Variants in FREM1 observed in about 807,000 individuals in gnomAD.
The protein encoded by FREM1 is FRAS1-related extracellular matrix protein 1.
In FREM1, 220 loss-of-function variants were observed where a neutral mutation model predicts 210.1. That is an observed-to-expected ratio of 1.05 (90% confidence interval 0.94 to 1.17). The LOEUF is 1.17. Among genes scored for constraint, FREM1 ranks in the 50% most tolerant of loss-of-function variants. The pLI is 0.00. For missense variants in FREM1, 3,454 were observed against 2,675.5 expected (o/e 1.29, Z -6.42); for synonymous variants, 1,189 against 980.2 (o/e 1.21, Z -3.98).
At chr9:14,795,174 C>G (rs1852147178) in intron 21 of FREM1, among the ~76,000 whole-genome samples, 1 of 152,142 alleles carries the variant, frequency 6.6e-6, no homozygotes, top group Non-Finnish European at 1.5e-5. Context: ...AACAATAACA[C>G]TTAGTAGCAC....
chr9:14,811,964 G>A (rs572163660), intron 16 of FREM1, among the ~76,000 whole-genome samples: 1 of 152,258 alleles, frequency 6.6e-6, no homozygotes, highest in East Asian at 1.9e-4. Context: ...GCAAAAGCCA[G>A]CAGATGAAAT....
chr9:14,747,494 T>C, intron 32 of FREM1, 66 bp from the exon 33 acceptor site: 1 of 1,491,846 alleles, frequency 6.7e-7, no homozygotes, highest in East Asian at 2.3e-5. Context: ...AACAAAAAAA[T>C]GAGCAATTCA....
chr9:14,888,990 TA>T (rs1234787251), intron 1 of FREM1, among the ~76,000 whole-genome samples: 2 of 152,268 alleles, frequency 1.3e-5, no homozygotes, highest in African/African-American at 4.8e-5. Context: ...TGTTCTATTG[TA>T]AGCATTTTCT....
intron 6 of FREM1, among the ~76,000 whole-genome samples, chr9:14,850,906 T>C (rs1353221972): frequency 1.3e-5 from 2 of 152,232 alleles, no homozygotes; most frequent in Non-Finnish European, 2.9e-5. Flanking sequence ...CTACAAGTTT[T>C]AATTGTTTTC....
chr9:14,848,252 C>T (rs1270801761), intron 7 of FREM1, among the ~76,000 whole-genome samples: 1 of 152,184 alleles, frequency 6.6e-6, no homozygotes, highest in Non-Finnish European at 1.5e-5. Context: ...CTCTTATTTA[C>T]ATATTTTAGT....
At chr9:14,832,876 G>T (rs376796917) in intron 10 of FREM1, among the ~76,000 whole-genome samples, 7 of 152,088 alleles carry the variant, frequency 4.6e-5, no homozygotes. Flanking sequence ...TATGCTTTGC[G>T]TGTCTTTCTG....
chr9:14,773,930 A>T (rs1367557284), intron 25 of FREM1: 2 of 377,802 alleles, frequency 5.3e-6, no homozygotes, highest in East Asian at 1.4e-4. Context: ...CAGTACAGAG[A>T]CTGGTATCAA....
intron 10 of FREM1, among the ~76,000 whole-genome samples, chr9:14,832,629 A>G (rs1170718740): frequency 6.6e-6 from 1 of 152,126 alleles, no homozygotes; most frequent in Non-Finnish European, 1.5e-5. Context: ...GGAAAAACTA[A>G]TTTTCCAAAC....
chr9:14,814,092 T>G (rs1429470917), intron 15 of FREM1, among the ~76,000 whole-genome samples: 1 of 152,170 alleles, frequency 6.6e-6, no homozygotes, highest in African/African-American at 2.4e-5. Flanking sequence ...CTCTTCCCCC[T>G]GGGAATTCTG....
At chr9:14,798,199 T>C (rs1192540900) in intron 20 of FREM1, among the ~76,000 whole-genome samples, 1 of 152,198 alleles carries the variant, frequency 6.6e-6, no homozygotes, top group Non-Finnish European at 1.5e-5. Flanking sequence ...TGCACCCAGA[T>C]TTATATAAAA....
At chr9:14,769,048 T>G (rs1365756320) in intron 27 of FREM1, among the ~76,000 whole-genome samples, 1 of 152,180 alleles carries the variant, frequency 6.6e-6, no homozygotes, top group Non-Finnish European at 1.5e-5. Context: ...TGGTAAGATA[T>G]TCAAGGTCTA....
Position 14,776,046 on chromosome 9 carries a change from C to A in FREM1, c.4600G>T (p.Asp1534Tyr). The A allele has an allele frequency of 2.5e-6, 4 of 1,613,958 alleles. No individual in the cohort carries two copies. The highest frequency in any genetic ancestry group is 2.5e-6 in the Non-Finnish European group (3 of 1,179,846). ...AGGTTCTCCGCAGGTGTATCAGGGT[C>A]GGTCAGCTGAAGGAGGTCAGGGGAA... is the stretch of plus-strand genomic sequence containing the variant. The part of the protein sequence containing the change: ...LLSPDLLQLT[D>Y]PDTPAENLTF... The change falls in exon 25 of 37, where the codon GAC becomes TAC. Residue 1534 changes from aspartate to tyrosine, a missense_variant. Transcript: ENST00000380880.
Position 14,836,530 on chromosome 9 carries a change from G to C in FREM1, c.1881+4917C>G, listed in dbSNP as rs571095289. Among the ~76,000 whole-genome samples the C allele has an allele frequency of 6.6e-6, 1 of 152,220 alleles. No individual in the cohort carries two copies. The highest frequency in any genetic ancestry group is 6.5e-5 in the Admixed American group (1 of 15,290). Reference sequence around the variant, plus strand: ...AGGGAAAATGCCGGCTTCAGCCCTGGGCGGCTACAATCCCTCTTTAATAAA... The same window carrying C: ...AGGGAAAATGCCGGCTTCAGCCCTGCGCGGCTACAATCCCTCTTTAATAAA... On this transcript the variant is annotated intron_variant, in intron 10 of 36. Coordinates refer to ENST00000380880, the MANE Select transcript of FREM1 (RefSeq NM_001379081.2). The surrounding 1 kb of genome is among the most constrained non-coding windows in gnomAD (Gnocchi z 4.9).
At chr9:14,814,708 C>G (rs1819995136) in intron 15 of FREM1, among the ~76,000 whole-genome samples, 1 of 152,124 alleles carries the variant, frequency 6.6e-6, no homozygotes, top group Admixed American at 6.5e-5. Context: ...GACCATCTTG[C>G]AGCCGTTCAC....
At chr9:14,829,851 G>A (rs1039323028) in intron 10 of FREM1, among the ~76,000 whole-genome samples, 16 of 152,120 alleles carry the variant, frequency 1.1e-4, no homozygotes, top group Non-Finnish European at 2.2e-4. Context: ...TAAGCCTTAA[G>A]AGATCTTAAT....
intron 4 of FREM1, 40 bp downstream of exon 4, chr9:14,859,143 G>A: frequency 6.7e-7 from 1 of 1,490,620 alleles, no homozygotes. Flanking sequence ...ATTTTTGTCA[G>A]TTTTGGTAAT....
At chr9:14,791,865 C>T (rs2133049964) in intron 22 of FREM1, among the ~76,000 whole-genome samples, 1 of 151,620 alleles carries the variant, frequency 6.6e-6, no homozygotes, top group East Asian at 2.0e-4. Flanking sequence ...CGGAGTCTTG[C>T]TCTGTCACCC....
intron 1 of FREM1, among the ~76,000 whole-genome samples, chr9:14,901,169 T>C (rs1466435130): frequency 1.3e-5 from 2 of 152,222 alleles, no homozygotes; most frequent in African/African-American, 4.8e-5. Flanking sequence ...ATATTTAGGT[T>C]TAGGCAGTAT....
Position 14,740,153 on chromosome 9 carries a change from C to T in FREM1, c.6336G>A (p.Trp2112Ter). 1 of 1,610,864 alleles carries T rather than the reference C, an allele frequency of 6.2e-7. No homozygotes were observed. The highest frequency in any genetic ancestry group is 8.5e-7 in the Non-Finnish European group (1 of 1,177,636). ...GCCTCCCTCCCAGATACTTGCCTAT[C>T]CAAAAGGACTTTCTCCCACCAATGT... The part of the protein sequence containing the change: ...LWDIGGRKSF[W>*]IGLNDQVHAG... Residue 2112 changes from tryptophan (W) to a stop codon, truncating the protein, a stop_gained, in exon 36 of 37, where the codon TGG becomes TGA. Transcript: ENST00000380880. LOFTEE classifies it high-confidence loss of function.
Sources: gnomAD v4.1 joint callset for allele counts (sites outside exome capture counted in the v4.1 genomes callset) on GRCh38, gnomAD v4.1.1 for gene constraint, Gnocchi (gnomAD v3.1) non-coding constraint, MANE v1.5 for transcripts, NCBI Gene and HGNC (gene_info 2026-07-23, HGNC 2026-07-21) for gene names.